The following CNTN4 variants were observed in gnomAD, a reference collection of about 807,000 sequenced individuals.
The protein encoded by CNTN4 is contactin 4.
CNTN4 carries 77 observed loss-of-function variants against 122.5 expected under a neutral mutation model. The ratio of observed to expected loss-of-function variants is 0.63; its 90% CI spans 0.52 to 0.76. The LOEUF (loss-of-function observed/expected upper bound fraction) is 0.76, where lower values mean the gene tolerates loss of function less well. CNTN4 is among the 30% of genes least tolerant of loss of function. CNTN4 has a pLI of 0.00. For missense variants in CNTN4, 1,256 were observed against 1,259.1 expected (o/e 1.00, Z 0.04); for synonymous variants, 512 against 447.0 (o/e 1.15, Z -1.83).
Position 2,561,829 on chromosome 3 carries a change from C to T in CNTN4, c.-88-9587C>T, listed in dbSNP as rs530205050. 9.1e-4 allele frequency among the ~76,000 whole-genome samples: 138 copies of T among 152,224 alleles called. 1 individual carries two copies. Among genetic ancestry groups the T allele is most frequent in the African/African-American group, 3.1e-3 (128 of 41,546 alleles). ...GGGAAGCAAAGGAATTTTTATTTTA[C>T]TTGAAACCTGTATTGATTTTGTCAT... On this transcript the variant is annotated intron_variant, in intron 3 of 24. Coordinates refer to ENST00000418658, the MANE Select transcript of CNTN4 (RefSeq NM_175607.3).
chr3:2,700,988 G>A (rs1423650249), intron 4 of CNTN4, among the ~76,000 whole-genome samples: 2 of 152,128 alleles, frequency 1.3e-5, no homozygotes, highest in Non-Finnish European at 2.9e-5. Context: ...TGAGATGTGG[G>A]ATCAGGTGAA....
At chr3:2,662,311 C>G (rs190474846) in intron 4 of CNTN4, among the ~76,000 whole-genome samples, 2 of 152,178 alleles carry the variant, frequency 1.3e-5, no homozygotes, top group South Asian at 2.1e-4. Flanking sequence ...AGATCTCACT[C>G]ATATAAGATT....
At chr3:2,484,857 C>A (rs1286783127) in intron 3 of CNTN4, among the ~76,000 whole-genome samples, 1 of 152,202 alleles carries the variant, frequency 6.6e-6, no homozygotes, top group Non-Finnish European at 1.5e-5. Flanking sequence ...GTGGGGGCCC[C>A]TCTCTGGGCT....
intron 4 of CNTN4, among the ~76,000 whole-genome samples, chr3:2,665,744 T>C (rs1260986010): frequency 6.6e-6 from 1 of 152,130 alleles, no homozygotes; most frequent in Non-Finnish European, 1.5e-5. Flanking sequence ...TCAATCACAG[T>C]GGGGCAAAAT....
intron 2 of CNTN4, chr3:2,238,796 C>G (rs552154064): frequency 1.9e-5 from 2 of 105,946 alleles, no homozygotes; most frequent in African/African-American, 3.2e-5. Flanking sequence ...GGCGCCATCT[C>G]GGCTCACTGC....
chr3:2,953,534 G>C (rs771357713), intron 13 of CNTN4, among the ~76,000 whole-genome samples: 4 of 151,486 alleles, frequency 2.6e-5, no homozygotes, highest in African/African-American at 7.3e-5. Context: ...ACAGTTTTTG[G>C]GCCTTTTTTG....
chr3:3,034,694 T>C lies in CNTN4; in HGVS notation c.1846T>C (p.Ser616Pro). The C allele has an allele frequency of 3.1e-6, 5 of 1,614,054 alleles. No individual in the cohort carries two copies. The highest frequency in any genetic ancestry group is 3.4e-6 in the Non-Finnish European group (4 of 1,179,970). Residue 616 changes from serine to proline, a missense_variant, in exon 17 of 25, where the codon TCC (serine) becomes CCC (proline). Coordinates refer to ENST00000418658, the MANE Select transcript of CNTN4 (RefSeq NM_175607.3). ...AATCACAGATACCACTGCTCAGCTC[T>C]CCTGGAGACCCGGGCCTGACAACCA... Reference protein sequence around the residue: ...DEITDTTAQLSWRPGPDNHSP... With the variant: ...DEITDTTAQLPWRPGPDNHSP...
chr3:2,575,725 A>G (rs945791681), intron 4 of CNTN4, among the ~76,000 whole-genome samples: 3 of 151,626 alleles, frequency 2.0e-5, no homozygotes, highest in Admixed American at 1.3e-4. Flanking sequence ...TTTGACCAAT[A>G]TCTTCTATGC....
At chr3:2,869,385 A>C (rs1341361486) in intron 8 of CNTN4, among the ~76,000 whole-genome samples, 2 of 152,148 alleles carry the variant, frequency 1.3e-5, no homozygotes, top group Non-Finnish European at 2.9e-5. Context: ...TTTGCTGGTA[A>C]AGCTGCGAGA....
chr3:2,751,647 C>T (rs2090098492), intron 6 of CNTN4, among the ~76,000 whole-genome samples: 3 of 152,140 alleles, frequency 2.0e-5, no homozygotes, highest in African/African-American at 4.8e-5. Flanking sequence ...TGTGTCTATA[C>T]AGAATGAAGT....
intron 13 of CNTN4, among the ~76,000 whole-genome samples, chr3:2,962,870 G>C (rs1303205659): frequency 6.6e-6 from 1 of 152,188 alleles, no homozygotes; most frequent in Non-Finnish European, 1.5e-5. Flanking sequence ...GTGGCTTTGA[G>C]TCCCATCCGT....
At chr3:2,802,269 G>A (rs1450183217) in intron 6 of CNTN4, among the ~76,000 whole-genome samples, 2 of 152,158 alleles carry the variant, frequency 1.3e-5, no homozygotes, top group Non-Finnish European at 2.9e-5. Flanking sequence ...GTGAAGAGCA[G>A]CAAAATATTT....
At chr3:2,379,879 A>AC in intron 3 of CNTN4, among the ~76,000 whole-genome samples, 1 of 151,878 alleles carries the variant, frequency 6.6e-6, no homozygotes. Context: ...ACATGGAGAA[A>AC]CCCCATCTCT....
At chr3:2,455,024 A>T (rs986405435) in intron 3 of CNTN4, among the ~76,000 whole-genome samples, 4 of 151,250 alleles carry the variant, frequency 2.6e-5, no homozygotes, top group Non-Finnish European at 4.4e-5. Context: ...GGCATACTTC[A>T]TCTGTTAGTG....
intron 10 of CNTN4, among the ~76,000 whole-genome samples, chr3:2,898,255 G>A (rs2094136467): frequency 6.6e-6 from 1 of 152,156 alleles, no homozygotes; most frequent in Non-Finnish European, 1.5e-5. Flanking sequence ...CCCACGTTCA[G>A]ATATTCACTT....
At chr3:2,674,197 A>G (rs916489545) in intron 4 of CNTN4, among the ~76,000 whole-genome samples, 1 of 152,250 alleles carries the variant, frequency 6.6e-6, no homozygotes, top group Non-Finnish European at 1.5e-5. Flanking sequence ...ATGCCTCATA[A>G]TAAAAGTAGC....
intron 7 of CNTN4, among the ~76,000 whole-genome samples, chr3:2,863,100 A>G (rs558911219): frequency 5.3e-5 from 8 of 152,214 alleles, no homozygotes; most frequent in Non-Finnish European, 7.3e-5. Context: ...TTTTAGTTGT[A>G]CTACACTTTT....
At chr3:2,833,261 A>T (rs1331304655) in intron 7 of CNTN4, among the ~76,000 whole-genome samples, 1 of 152,232 alleles carries the variant, frequency 6.6e-6, no homozygotes, top group East Asian at 1.9e-4. Flanking sequence ...GGAGCTGGCA[A>T]TGATGAGAAA....
At chr3:2,666,707 T>C (rs2150337522) in intron 4 of CNTN4, among the ~76,000 whole-genome samples, 1 of 151,966 alleles carries the variant, frequency 6.6e-6, no homozygotes, top group African/African-American at 2.4e-5. Flanking sequence ...ATTCCTCCTT[T>C]ACATTAGGTA....
Sources: gnomAD v4.1 joint callset for allele counts (sites outside exome capture counted in the v4.1 genomes callset) on GRCh38, gnomAD v4.1.1 for gene constraint, MANE v1.5 for transcripts, NCBI Gene and HGNC (gene_info 2026-07-23, HGNC 2026-07-21) for gene names.